The following KDM3B variants were observed in gnomAD, a reference collection of about 807,000 sequenced individuals.
KDM3B encodes the protein lysine-specific demethylase 3B.
In KDM3B, 10 loss-of-function variants were observed where a neutral mutation model predicts 170.0. That is an observed-to-expected ratio of 0.06 (90% CI 0.04 to 0.10). KDM3B has a LOEUF of 0.10. Among genes scored for constraint, KDM3B ranks in the 10% least tolerant of loss-of-function variants. The probability of loss-of-function intolerance (pLI) is 1.00; values close to 1 mark genes in which losing one functional copy is unlikely to be tolerated. For synonymous variants in KDM3B, 831 were observed against 834.8 expected, an observed-to-expected ratio of 1.00 and a Z score of 0.08; for missense variants, 1,394 against 2,195.2, an observed-to-expected ratio of 0.64 and a Z score of 7.29.
intron 7 of KDM3B, among the ~76,000 whole-genome samples, chr5:138,390,354 T>A (rs1415741233): frequency 2.6e-5 from 4 of 152,236 alleles, no homozygotes; most frequent in Non-Finnish European, 5.9e-5. Context: ...AATAGCTTGC[T>A]TTCTTTAATT....
At chr5:138,385,075 G>A (rs1762224488) in intron 6 of KDM3B, among the ~76,000 whole-genome samples, 2 of 151,942 alleles carry the variant, frequency 1.3e-5, no homozygotes, top group African/African-American at 4.8e-5. Flanking sequence ...AGGCTGGAGT[G>A]CAGTGGCGCA....
chr5:138,375,879 GT>G (rs1761986271), intron 3 of KDM3B, among the ~76,000 whole-genome samples: 1 of 151,942 alleles, frequency 6.6e-6, no homozygotes. Flanking sequence ...GTTTCACCAT[GT>G]TGGTCAGGCT....
chr5:138,414,883 A>G (rs944281598), intron 11 of KDM3B, among the ~76,000 whole-genome samples: 1 of 152,220 alleles, frequency 6.6e-6, no homozygotes, highest in Admixed American at 6.5e-5. Flanking sequence ...CTTGAGCCAG[A>G]GAGGCGGAGG....
At chr5:138,383,672 A>C (rs766427089) in intron 6 of KDM3B, among the ~76,000 whole-genome samples, 9 of 152,134 alleles carry the variant, frequency 5.9e-5, no homozygotes, top group Non-Finnish European at 1.0e-4. Flanking sequence ...GTGGTGATAG[A>C]GATTGAGAAA....
Position 138,398,334 on chromosome 5 carries a change from C to T in KDM3B, c.2988C>T (p.Asp996=). The change falls in exon 10 of 24, where the codon GAC becomes GAT. Residue 996 remains aspartate (D), a synonymous_variant. Transcript: ENST00000314358. ...TSKYILANVG[D]QFCQLVMSEK... ...AATACATCCTGGCCAATGTTGGGGA[C>T]CAGTTCTGCCAGCTCGTAATGTCTG... 6.2e-7 allele frequency: 1 copy of T among 1,614,154 alleles called. No homozygotes were observed. The highest frequency in any genetic ancestry group is 8.5e-7 in the Non-Finnish European group (1 of 1,180,014).
At chr5:138,419,728 TACACACACACACACACACACACACAC>T (rs144047213) in intron 14 of KDM3B, among the ~76,000 whole-genome samples, 1 of 122,186 alleles carries the variant, frequency 8.2e-6, no homozygotes, top group Non-Finnish European at 1.6e-5. Context: ...TACACACACA[TACACACACACACACACACACACACAC>T]ACACACACAC....
In KDM3B at chr5:138,427,259, T is replaced by A; in HGVS notation, c.4573T>A (p.Ser1525Thr). 1 of 1,614,164 alleles carries A rather than the reference T, an allele frequency of 6.2e-7. No homozygotes were observed. The highest frequency in any genetic ancestry group is 1.1e-5 in the South Asian group (1 of 91,090). ...TKRDGRLNLA[S>T]RLPSYFVRPD... ...ACGAGATGGCAGGCTCAATCTGGCC[T>A]CTAGGCTACCTAGCTACTTTGTAAG... Residue 1525 changes from serine (S) to threonine (T), a missense_variant, in exon 19 of 24, where the codon TCT becomes ACT. Ser to Thr is a moderately conservative substitution (Grantham distance 58). Coordinates refer to ENST00000314358, the MANE Select transcript of KDM3B (RefSeq NM_016604.4).
At chr5:138,395,591 T>C (rs1378359833) in intron 9 of KDM3B, among the ~76,000 whole-genome samples, 3 of 152,148 alleles carry the variant, frequency 2.0e-5, no homozygotes, top group Non-Finnish European at 4.4e-5. Flanking sequence ...AGTGAGACCC[T>C]GTCTCTACAA....
intron 1 of KDM3B, among the ~76,000 whole-genome samples, chr5:138,357,983 G>A (rs929495897): frequency 2.7e-5 from 4 of 150,902 alleles, no homozygotes; most frequent in African/African-American, 9.8e-5. Context: ...CACCGTGCCT[G>A]GCATGGAATT....
Position 138,386,065 on chromosome 5 carries a change from A to C in KDM3B, c.824A>C (p.Lys275Thr), listed in dbSNP as rs771653189. The C allele has an allele frequency of 1.9e-6, 3 of 1,612,366 alleles. No individual in the cohort carries two copies. The African/African-American group carries it at 4.0e-5, about 22-fold the overall frequency. The change falls in exon 7 of 24, where the codon AAG becomes ACG. Residue 275 changes from lysine to threonine, a missense_variant. By Grantham distance (78) the Lys-to-Thr change is moderately conservative (BLOSUM62 -1). This residue lies in a region of KDM3B where 166 missense variants were observed against 216.4 expected (regional missense o/e 0.77). Coordinates refer to ENST00000314358, the MANE Select transcript of KDM3B (RefSeq NM_016604.4). ...KAVKSSKGKK[K>T]RESIEGKDGR... ...GTAAAATCTTCCAAAGGAAAGAAGAAGAGAGAAAGCATAGAGGGGAAAGAT... is the reference window on the plus strand; with the variant it reads ...GTAAAATCTTCCAAAGGAAAGAAGACGAGAGAAAGCATAGAGGGGAAAGAT...
rs779724380 is a variant in KDM3B, at chr5:138,427,160, G to A, written c.4503-29G>A. 4.4e-6 allele frequency: 7 copies of A among 1,607,526 alleles called. No individual in the cohort carries two copies. The Admixed American group carries it at 1.2e-4, about 27-fold the overall frequency. ...TATTGGCTTTCTTCCCCTATAACAA[G>A]CTAAGTCATCTTTCCTGCACTTTTA... On this transcript the variant is annotated intron_variant, in intron 18 of 23. Coordinates refer to ENST00000314358, the MANE Select transcript of KDM3B (RefSeq NM_016604.4).
intron 11 of KDM3B, among the ~76,000 whole-genome samples, chr5:138,409,178 GGTCA>G (rs2126975358): frequency 6.6e-6 from 1 of 152,066 alleles, no homozygotes; most frequent in South Asian, 2.1e-4. Flanking sequence ...TGGAGTTAGT[GGTCA>G]GTATGAAGAA....
intron 13 of KDM3B, chr5:138,418,112 C>T (rs1279369681): frequency 2.5e-5 from 3 of 121,006 alleles, no homozygotes; most frequent in Non-Finnish European, 4.8e-5. Flanking sequence ...CAGAGTCTTG[C>T]TCTGTTGCCC....
At chr5:138,379,745 T>C in intron 5 of KDM3B, 37 bp downstream of exon 5, 1 of 1,588,606 alleles carries the variant, frequency 6.3e-7, no homozygotes. Flanking sequence ...GGTCCATCCA[T>C]CCCCTTAAAG....
At chr5:138,353,060 G>T in intron 1 of KDM3B, 73 bp downstream of exon 1, 2 of 1,104,682 alleles carry the variant, frequency 1.8e-6, no homozygotes, top group Non-Finnish European at 2.3e-6. Context: ...GGGGGCCTTT[G>T]TGAGGGGGCG....
chr5:138,430,568 T>G (rs1561798596), intron 22 of KDM3B, 143 bp downstream of exon 22: 1 of 824,118 alleles, frequency 1.2e-6, no homozygotes, highest in Non-Finnish European at 1.8e-6. Flanking sequence ...TTTTATTTTC[T>G]TCCTTGTAAC....
In KDM3B at chr5:138,420,936, C is replaced by T. The variant is rs1436995370; in HGVS notation, c.3946C>T (p.Pro1316Ser). ...QTPLDTGIPF[P>S]PVFSTSSAGV... ...CCCCTTGGACACAGGCATACCCTTT[C>T]CCCCGGTCTTCTCTACATCCTCAGC... The change falls in exon 15 of 24, where the codon CCC (proline) becomes TCC (serine). Residue 1316 changes from proline to serine, a missense_variant. Physicochemically the swap from Pro to Ser is moderately conservative, Grantham distance 74. This residue lies in a region of KDM3B where 137 missense variants were observed against 166.9 expected (regional missense o/e 0.82). Coordinates refer to ENST00000314358, the MANE Select transcript of KDM3B (RefSeq NM_016604.4). The T allele has an allele frequency of 6.2e-7, 1 of 1,613,878 alleles. No individual in the cohort carries two copies. Among genetic ancestry groups the T allele is most frequent in the African/African-American group, 1.3e-5 (1 of 74,926 alleles).
intron 14 of KDM3B, 111 bp downstream of exon 14, chr5:138,419,343 TTC>T: frequency 7.7e-7 from 1 of 1,294,116 alleles, no homozygotes; most frequent in Non-Finnish European, 1.1e-6. Context: ...GCTACTTACT[TTC>T]TCTGGCTAAT....
intron 17 of KDM3B, 130 bp from the exon 18 acceptor site, chr5:138,426,845 A>G (rs1242123020): frequency 1.5e-6 from 1 of 663,094 alleles, no homozygotes; most frequent in Non-Finnish European, 2.6e-6. Context: ...CCCGGGTGAC[A>G]GAGCAAGACT....
Sources: allele counts gnomAD v4.1 joint callset (sites outside exome capture counted in the v4.1 genomes callset), GRCh38; gene constraint gnomAD v4.1.1; regional missense constraint gnomAD v4.1.1; transcripts MANE v1.5; gene names NCBI Gene and HGNC (gene_info 2026-07-23, HGNC 2026-07-21).